HABP2: variants seen among roughly 807,000 people sequenced by gnomAD.
HABP2 encodes the protein hyaluronan binding protein 2, also known as factor VII-activating protease.
A neutral mutation model predicts 66.5 loss-of-function variants in HABP2; 65 were observed. That is an observed-to-expected ratio of 0.98 (90% CI 0.80 to 1.20). The LOEUF is 1.20. Among genes scored for constraint, HABP2 ranks in the 50% most tolerant of loss-of-function variants. HABP2 has a pLI of 0.00. For synonymous variants in HABP2, 263 were observed against 253.9 expected (o/e 1.04, Z -0.34); for missense variants, 786 against 691.0 (o/e 1.14, Z -1.54).
chr10:113,556,696 A>G (rs1293802502), intron 1 of HABP2, among the ~76,000 whole-genome samples: 1 of 151,850 alleles, frequency 6.6e-6, no homozygotes, highest in East Asian at 1.9e-4. Flanking sequence ...CCTTGGCAAC[A>G]GAGCAAGACT....
intron 5 of HABP2, among the ~76,000 whole-genome samples, chr10:113,577,819 A>T (rs1464274417): frequency 6.6e-6 from 1 of 152,228 alleles, no homozygotes; most frequent in African/African-American, 2.4e-5. Flanking sequence ...GCCTCCAGCC[A>T]GATTGCTTCA....
intron 2 of HABP2, among the ~76,000 whole-genome samples, chr10:113,571,770 C>T (rs546674748): frequency 1.4e-3 from 206 of 152,320 alleles, no homozygotes; most frequent in African/African-American, 4.5e-3. Flanking sequence ...TTTCATCCCC[C>T]ACCCAACCTT....
chr10:113,588,382 T>A lies in HABP2; in HGVS notation c.*13T>A. 6.2e-6 allele frequency: 10 copies of A among 1,602,146 alleles called. No homozygotes were observed. Among genetic ancestry groups the A allele is most frequent in the Non-Finnish European group, 7.7e-6 (9 of 1,173,160 alleles). ...AAGTGGCTTCTAAGGTACTGTCTTC[T>A]GGACCTCAGAGCCCACTCTCCTTGG... is the stretch of plus-strand genomic sequence containing the variant. On this transcript the variant is annotated 3_prime_UTR_variant, in exon 13 of 13. Coordinates refer to ENST00000351270, the MANE Select transcript of HABP2 (RefSeq NM_004132.5).
intron 1 of HABP2, among the ~76,000 whole-genome samples, chr10:113,565,468 G>A (rs1845181354): frequency 2.0e-5 from 3 of 152,196 alleles, no homozygotes. Context: ...AGATCACATG[G>A]CAAGAGGGGA....
chr10:113,575,932 G>T lies in HABP2; in HGVS notation c.259G>T (p.Asp87Tyr), dbSNP rs772097319. The T allele has an allele frequency of 1.9e-6, 3 of 1,612,028 alleles. No individual in the cohort carries two copies. The highest frequency in any genetic ancestry group is 2.5e-6 in the Non-Finnish European group (3 of 1,178,218). The change falls in exon 4 of 13, where the codon GAC becomes TAC. Residue 87 changes from aspartate to tyrosine, a missense_variant. Physicochemically the swap from Asp to Tyr is radical, Grantham distance 160 (BLOSUM62 -3). Transcript: ENST00000351270. ...CQPNPCEHGG[D>Y]CLVHGSTFTC... is the part of the protein sequence containing the mutation. ...GCCCAACCCCTGTGAACACGGTGGG[G>T]ACTGCCTCGTCCATGGGAGCACCTT...
intron 2 of HABP2, among the ~76,000 whole-genome samples, chr10:113,568,093 T>C (rs1845233947): frequency 6.6e-6 from 1 of 152,208 alleles, no homozygotes; most frequent in South Asian, 2.1e-4. Context: ...ACAGACTCGC[T>C]CTCTTATTGT....
At chr10:113,586,788 A>T (rs1416481562) in intron 12 of HABP2, among the ~76,000 whole-genome samples, 1 of 152,180 alleles carries the variant, frequency 6.6e-6, no homozygotes, top group African/African-American at 2.4e-5. Context: ...GCATGCCAAC[A>T]TTCAAATCCC....
chr10:113,558,185 G>A (rs1327780847), intron 1 of HABP2, among the ~76,000 whole-genome samples: 2 of 152,168 alleles, frequency 1.3e-5, no homozygotes, highest in Non-Finnish European at 2.9e-5. Context: ...TTTGCTTTCC[G>A]ACACCACAAG....
chr10:113,560,393 T>C (rs1845078891), intron 1 of HABP2, among the ~76,000 whole-genome samples: 1 of 152,060 alleles, frequency 6.6e-6, no homozygotes, highest in African/African-American at 2.4e-5. Context: ...GAATGTGGAG[T>C]AATTGGAACC....
intron 1 of HABP2, among the ~76,000 whole-genome samples, chr10:113,564,357 T>C (rs1400625889): frequency 6.6e-6 from 1 of 152,100 alleles, no homozygotes; most frequent in Non-Finnish European, 1.5e-5. Flanking sequence ...TAGGGTCCCC[T>C]CATGGCACCT....
intron 1 of HABP2, among the ~76,000 whole-genome samples, chr10:113,558,813 C>A (rs928801895): frequency 7.9e-5 from 12 of 152,166 alleles, no homozygotes; most frequent in Admixed American, 7.2e-4. Context: ...TATGAGGCGG[C>A]CCCACGCTCA....
chr10:113,567,314 G>A, intron 1 of HABP2, among the ~76,000 whole-genome samples, 175 bp from the exon 2 acceptor site: 1 of 152,144 alleles, frequency 6.6e-6, no homozygotes, highest in East Asian at 1.9e-4. Flanking sequence ...GGTGGAGGGG[G>A]TGTATCTTCA....
intron 9 of HABP2, among the ~76,000 whole-genome samples, chr10:113,582,818 G>T (rs1240740395): frequency 1.3e-5 from 2 of 152,310 alleles, no homozygotes; most frequent in African/African-American, 4.8e-5. Context: ...TTTTGGAGGT[G>T]GCCATGAAGG....
At chr10:113,572,803 G>A in intron 2 of HABP2, 1 of 364,062 alleles carries the variant, frequency 2.7e-6, no homozygotes, top group Non-Finnish European at 5.5e-6. Context: ...AGCCAAGGGA[G>A]TCTTGACTTG....
intron 1 of HABP2, among the ~76,000 whole-genome samples, chr10:113,559,843 G>A (rs1330509985): frequency 6.6e-6 from 1 of 152,254 alleles, no homozygotes; most frequent in Non-Finnish European, 1.5e-5. Flanking sequence ...TGAGTGGCCA[G>A]CTCTGGGCTT....
intron 2 of HABP2, among the ~76,000 whole-genome samples, chr10:113,572,326 C>G (rs1046037701): frequency 6.6e-6 from 1 of 152,208 alleles, no homozygotes; most frequent in African/African-American, 2.4e-5. Flanking sequence ...AAAAGTCACA[C>G]CATACCATCT....
chr10:113,583,998 A>G (rs918247754), intron 10 of HABP2, 150 bp from the exon 11 acceptor site: 7 of 624,868 alleles, frequency 1.1e-5, no homozygotes, highest in Non-Finnish European at 2.0e-5. Context: ...GTGGAAGTTC[A>G]AAATATGAAA....
Position 113,589,551 on chromosome 10 carries a change from C to T in HABP2, c.*1182C>T, listed in dbSNP as rs1350557570. ...GGCGCCTTGTTTGAGCTGCGTTTCACACTTCTTTAGAGCTAGCTGACCTTT... is the reference window on the plus strand; with the variant it reads ...GGCGCCTTGTTTGAGCTGCGTTTCATACTTCTTTAGAGCTAGCTGACCTTT... On this transcript the variant is annotated 3_prime_UTR_variant, in exon 13 of 13. Coordinates refer to ENST00000351270, the MANE Select transcript of HABP2 (RefSeq NM_004132.5). 8 of 1,296,740 alleles carry T rather than the reference C, an allele frequency of 6.2e-6. No individual in the cohort carries two copies. The Admixed American group carries it at 6.6e-5, about 11-fold the overall frequency. The allele number at this position is 1,296,740 out of a possible 1,614,324, so 80.3% of individuals were successfully genotyped here. A position where few individuals can be genotyped will look rare whatever the true frequency, so the allele number is the denominator to read the frequency against.
intron 1 of HABP2, among the ~76,000 whole-genome samples, chr10:113,554,732 A>G (rs1398532499): frequency 6.6e-6 from 1 of 152,252 alleles, no homozygotes; most frequent in Non-Finnish European, 1.5e-5. Context: ...AGAAACGTTG[A>G]CACGGTATGT....
Sources: gnomAD v4.1 joint callset for allele counts (sites outside exome capture counted in the v4.1 genomes callset) on GRCh38, gnomAD v4.1.1 for gene constraint, MANE v1.5 for transcripts, NCBI Gene and HGNC (gene_info 2026-07-23, HGNC 2026-07-21) for gene names.